The following HRK variants were observed in gnomAD, a reference collection of about 807,000 sequenced individuals.
HRK encodes the protein activator of apoptosis harakiri.
A neutral mutation model predicts 5.9 loss-of-function variants in HRK; 6 were observed. That is an observed-to-expected ratio of 1.02 (90% CI 0.56 to 2.01). The LOEUF (loss-of-function observed/expected upper bound fraction) is 2.01, where lower values mean the gene tolerates loss of function less well. HRK is among the 30% of genes most tolerant of loss of function. HRK has a pLI of 0.00. For synonymous variants in HRK, 85 were observed against 65.1 expected, an observed-to-expected ratio of 1.31 and a Z score of -1.47; for missense variants, 133 against 128.3, an observed-to-expected ratio of 1.04 and a Z score of -0.18.
chr12:116,862,652 C>T lies in HRK; in HGVS notation c.*57-1186G>A, dbSNP rs1878405554. ...CCAAAGTTGACTGTGAAGATGGCTG[C>T]AAAATTCTATGTATACTCCTCATCA... is the stretch of plus-strand genomic sequence containing the variant. On this transcript the variant is annotated intron_variant, in intron 1 of 1. Transcript: ENST00000257572. This position sits in a 1 kb window ranked among gnomAD's most constrained non-coding sequence, Gnocchi z 4.0. Among the ~76,000 whole-genome samples the T allele has an allele frequency of 1.3e-5, 2 of 152,116 alleles. No individual in the cohort carries two copies. Among genetic ancestry groups the T allele is most frequent in the African/African-American group, 2.4e-5 (1 of 41,408 alleles).
Position 116,858,618 on chromosome 12 carries a change from ACACACTG to A in HRK, c.*2898_*2904del, listed in dbSNP as rs1307945732. On this transcript the variant is annotated 3_prime_UTR_variant, in exon 2 of 2. Coordinates refer to ENST00000257572, the MANE Select transcript of HRK (RefSeq NM_003806.4). ...CACACACACACACACACACACACAC[ACACACTG>A]CTGTCTGCTGAAACCCGATATGAGG... 5.8e-5 allele frequency: 8 copies of A among 137,692 alleles called. No homozygotes were observed. The highest frequency in any genetic ancestry group is 5.7e-4 in the Admixed American group (8 of 13,938). 8.5% of individuals were successfully genotyped at this position (137,692 alleles called of 1,614,324 possible).
chr12:116,877,135 C>A (rs1222263820), intron 1 of HRK, among the ~76,000 whole-genome samples: 1 of 152,138 alleles, frequency 6.6e-6, no homozygotes, highest in Non-Finnish European at 1.5e-5. Context: ...ACTGCAACCT[C>A]TGCCTCTGGG....
chr12:116,866,740 G>A (rs114441437), intron 1 of HRK, among the ~76,000 whole-genome samples: 1,896 of 152,144 alleles, frequency 0.012, 34 homozygotes, highest in African/African-American at 0.041. Flanking sequence ...AGGAACTTAC[G>A]GCAGGTGGGC....
At position 116,879,612 on chromosome 12, in the gene HRK, G is replaced by A. The variant is rs1018799656; in HGVS notation, c.*56+1364C>T. ...TGGGACCCCCGGCGCCCGGGAGCCGGGCAGAGAGCGCCCCGAAGCGCGCAT... is the reference window on the plus strand; with the variant it reads ...TGGGACCCCCGGCGCCCGGGAGCCGAGCAGAGAGCGCCCCGAAGCGCGCAT... On this transcript the variant is annotated intron_variant, in intron 1 of 1. Coordinates refer to ENST00000257572, the MANE Select transcript of HRK (RefSeq NM_003806.4). This position sits in a 1 kb window ranked among gnomAD's most constrained non-coding sequence, Gnocchi z 5.6. The A allele has an allele frequency of 5.9e-5, 9 of 152,212 alleles. No homozygotes were observed. The highest frequency in any genetic ancestry group is 2.2e-4 in the African/African-American group (9 of 41,466). 9.4% of individuals were successfully genotyped at this position (152,212 alleles called of 1,614,324 possible). A position where few individuals can be genotyped will look rare whatever the true frequency, so the allele number is the denominator to read the frequency against.
At chr12:116,861,700 G>A (rs965028798) in intron 1 of HRK, among the ~76,000 whole-genome samples, 3 of 152,192 alleles carry the variant, frequency 2.0e-5, no homozygotes, top group Non-Finnish European at 2.9e-5. Flanking sequence ...ATAGACATTT[G>A]TGCGTGCACA....
chr12:116,868,968 G>GTT (rs34491902), intron 1 of HRK, among the ~76,000 whole-genome samples: 66 of 146,294 alleles, frequency 4.5e-4, no homozygotes, highest in African/African-American at 7.1e-4. Context: ...CTTCTTCTTC[G>GTT]TTTTTTTTTT....
intron 1 of HRK, among the ~76,000 whole-genome samples, chr12:116,869,308 G>A (rs763132743): frequency 6.6e-6 from 1 of 152,088 alleles, no homozygotes; most frequent in Non-Finnish European, 1.5e-5. Flanking sequence ...CACCAAATAA[G>A]AACAACACAT....
intron 1 of HRK, among the ~76,000 whole-genome samples, chr12:116,870,695 G>A (rs138468139): frequency 1.8e-4 from 28 of 152,184 alleles, no homozygotes; most frequent in Admixed American, 2.6e-4. Flanking sequence ...CTCAGCTACC[G>A]GAGAGGCAAA....
chr12:116,868,404 C>A (rs1878625315), intron 1 of HRK, among the ~76,000 whole-genome samples: 1 of 152,206 alleles, frequency 6.6e-6, no homozygotes, highest in Non-Finnish European at 1.5e-5. Flanking sequence ...AAGCTCGCCT[C>A]ATCTTAACCC....
chr12:116,869,941 G>T (rs541099911), intron 1 of HRK, among the ~76,000 whole-genome samples: 1 of 152,138 alleles, frequency 6.6e-6, no homozygotes, highest in Non-Finnish European at 1.5e-5. Context: ...TTAGCTGGGC[G>T]TGGTGGTGGG....
At chr12:116,871,021 C>T (rs1340499081) in intron 1 of HRK, among the ~76,000 whole-genome samples, 6 of 152,130 alleles carry the variant, frequency 3.9e-5, no homozygotes, top group Admixed American at 2.0e-4. Flanking sequence ...TGGGTTCAAG[C>T]GATTCTCTTG....
At chr12:116,869,018 G>A (rs1427439481) in intron 1 of HRK, among the ~76,000 whole-genome samples, 4 of 151,726 alleles carry the variant, frequency 2.6e-5, no homozygotes, top group Non-Finnish European at 5.9e-5. Flanking sequence ...CTGTTGTCTG[G>A]GCTGGAGTGC....
rs1433489113 is a variant in HRK, at chr12:116,860,663, A to G, written c.*860T>C. ...CACCTCTGGATATTCGTCCCCAGGT[A>G]GAAGAAGAGAAGAGACTCTCAAGTG... On this transcript the variant is annotated 3_prime_UTR_variant, in exon 2 of 2. Coordinates refer to ENST00000257572, the MANE Select transcript of HRK (RefSeq NM_003806.4). 2 of 151,290 alleles carry G rather than the reference A, an allele frequency of 1.3e-5. No homozygotes were observed. Among genetic ancestry groups the G allele is most frequent in the Non-Finnish European group, 3.0e-5 (2 of 67,720 alleles). 9.4% of individuals were successfully genotyped at this position (151,290 alleles called of 1,614,324 possible).
In HRK at chr12:116,856,507, C is replaced by T. The variant is rs1017326970; in HGVS notation, c.*5016G>A. On this transcript the variant is annotated 3_prime_UTR_variant, in exon 2 of 2. Transcript: ENST00000257572. This position sits in a 1 kb window ranked among gnomAD's most constrained non-coding sequence, Gnocchi z 4.4. Reference sequence around the variant, plus strand: ...GGCCCTATTTGCAAATTCCTTGCACCTTCCCCGGGGCCTTATAGAAACCAG... The same window carrying T: ...GGCCCTATTTGCAAATTCCTTGCACTTTCCCCGGGGCCTTATAGAAACCAG... The T allele has an allele frequency of 3.3e-5, 5 of 152,228 alleles. No individual in the cohort carries two copies. The highest frequency in any genetic ancestry group is 7.3e-5 in the Non-Finnish European group (5 of 68,040). The allele number at this position is 152,228 out of a possible 1,614,324, so 9.4% of individuals were successfully genotyped here. A position where few individuals can be genotyped will look rare whatever the true frequency, so the allele number is the denominator to read the frequency against.
intron 1 of HRK, among the ~76,000 whole-genome samples, chr12:116,875,796 A>G (rs1003260603): frequency 2.0e-5 from 3 of 152,098 alleles, no homozygotes; most frequent in Non-Finnish European, 4.4e-5. Flanking sequence ...CACCCGCCTC[A>G]GCCTCTCAAA....
chr12:116,872,386 G>T (rs1240937973), intron 1 of HRK, among the ~76,000 whole-genome samples: 1 of 152,026 alleles, frequency 6.6e-6, no homozygotes, highest in Non-Finnish European at 1.5e-5. Context: ...ACAAAAAGAA[G>T]TGTCTCATAG....
rs1320837519 is a variant in HRK, at chr12:116,860,436, T to C, written c.*1087A>G. On this transcript the variant is annotated 3_prime_UTR_variant, in exon 2 of 2. Coordinates refer to ENST00000257572, the MANE Select transcript of HRK (RefSeq NM_003806.4). Reference sequence around the variant, plus strand: ...ATCATCTTTGAACAGAATGTAGCCATTTCTTGGCTCTTTAATCCATAAAAC... The same window carrying C: ...ATCATCTTTGAACAGAATGTAGCCACTTCTTGGCTCTTTAATCCATAAAAC... 1 of 152,182 alleles carries C rather than the reference T, an allele frequency of 6.6e-6. No homozygotes were observed. Among genetic ancestry groups the C allele is most frequent in the Non-Finnish European group, 1.5e-5 (1 of 68,032 alleles). The allele number at this position is 152,182 out of a possible 1,614,324, so 9.4% of individuals were successfully genotyped here. A position where few individuals can be genotyped will look rare whatever the true frequency, so the allele number is the denominator to read the frequency against.
At chr12:116,873,957 G>C (rs1878847535) in intron 1 of HRK, among the ~76,000 whole-genome samples, 1 of 152,240 alleles carries the variant, frequency 6.6e-6, no homozygotes, top group South Asian at 2.1e-4. Context: ...AGGGGAGCCA[G>C]TGCTGAGTTG....
intron 1 of HRK, among the ~76,000 whole-genome samples, chr12:116,865,412 C>T (rs560931604): frequency 6.6e-5 from 10 of 151,802 alleles, no homozygotes; most frequent in East Asian, 3.9e-4. Context: ...CTGTAATCTT[C>T]GCTACTCAGG....
Sources: gnomAD v4.1 joint callset for allele counts (sites outside exome capture counted in the v4.1 genomes callset) on GRCh38, gnomAD v4.1.1 for gene constraint, Gnocchi (gnomAD v3.1) non-coding constraint, MANE v1.5 for transcripts, NCBI Gene and HGNC (gene_info 2026-07-23, HGNC 2026-07-21) for gene names.